The following PARD3B variants were observed in gnomAD, a reference collection of about 807,000 sequenced individuals.
PARD3B encodes the protein partitioning defective 3 homolog B.
Under a neutral mutation model 130.2 loss-of-function variants are expected in PARD3B, and 103 were observed. That is an observed-to-expected ratio of 0.79 (90% CI 0.67 to 0.93). The LOEUF is 0.93. PARD3B is among the 40% of genes least tolerant of loss of function. PARD3B has a pLI of 0.00. For missense variants in PARD3B, 1,609 were observed against 1,499.2 expected, an observed-to-expected ratio of 1.07 and a Z score of -1.21; for synonymous variants, 583 against 553.2, an observed-to-expected ratio of 1.05 and a Z score of -0.76.
intron 1 of PARD3B, among the ~76,000 whole-genome samples, chr2:204,657,992 T>G (rs1186256772): frequency 6.6e-6 from 1 of 152,200 alleles, no homozygotes; most frequent in African/African-American, 2.4e-5. Context: ...CAAAGCCCTG[T>G]GCTAGAAGCT....
At chr2:204,549,283 T>C (rs2030264406) in intron 1 of PARD3B, among the ~76,000 whole-genome samples, 1 of 152,164 alleles carries the variant, frequency 6.6e-6, no homozygotes, top group Admixed American at 6.5e-5. Context: ...ATTGCTTATC[T>C]CCGAATCCTG....
intron 2 of PARD3B, among the ~76,000 whole-genome samples, chr2:204,749,348 G>T (rs1015455850): frequency 6.6e-6 from 1 of 152,068 alleles, no homozygotes. Flanking sequence ...TTGGTGTATT[G>T]TAACAACACT....
chr2:205,125,754 A>C lies in PARD3B; in HGVS notation c.1434+17A>C. 6.2e-7 allele frequency: 1 copy of C among 1,612,706 alleles called. No homozygotes were observed. Among genetic ancestry groups the C allele is most frequent in the Non-Finnish European group, 8.5e-7 (1 of 1,179,272 alleles). ...CGAGAGTTGGTAATGTTCAGATCTC[A>C]GTCTCACTGAATTTTTAATGCCGAG... On this transcript the variant is annotated intron_variant, in intron 10 of 22. Transcript: ENST00000406610. The surrounding 1 kb of genome is among the most constrained non-coding windows in gnomAD (Gnocchi z 4.0).
In PARD3B at chr2:205,151,552, A is replaced by C. The variant is rs551839375; in HGVS notation, c.1435-7170A>C. ...TGTCTCTTTTGAACTTTGTTGGTTT[A>C]AAGTCTGTTTTATCAGAGACTAGGA... On this transcript the variant is annotated intron_variant, in intron 10 of 22. Transcript: ENST00000406610. 1.4e-4 allele frequency among the ~76,000 whole-genome samples: 21 copies of C among 152,290 alleles called. No individual in the cohort carries two copies. The East Asian group carries it at 3.7e-3, about 27-fold the overall frequency.
At chr2:205,549,240 C>T (rs187571175) in intron 21 of PARD3B, among the ~76,000 whole-genome samples, 8 of 152,092 alleles carry the variant, frequency 5.3e-5, no homozygotes, top group South Asian at 2.1e-4. Context: ...TGGTTTCTTG[C>T]GAAACTAAAC....
At chr2:205,410,727 A>G (rs2046567549) in intron 19 of PARD3B, among the ~76,000 whole-genome samples, 1 of 152,214 alleles carries the variant, frequency 6.6e-6, no homozygotes, top group African/African-American at 2.4e-5. Context: ...ATATTTTAAA[A>G]GAATTTGTAA....
chr2:205,089,780 C>A (rs944762431), intron 4 of PARD3B, among the ~76,000 whole-genome samples: 6 of 152,172 alleles, frequency 3.9e-5, no homozygotes, highest in African/African-American at 1.4e-4. Context: ...TTTCTGTATG[C>A]ATGTACTTCA....
chr2:205,081,610 T>C (rs1167685536), intron 4 of PARD3B, among the ~76,000 whole-genome samples: 1 of 152,130 alleles, frequency 6.6e-6, no homozygotes, highest in Admixed American at 6.5e-5. Flanking sequence ...TTTTTAATCA[T>C]GAAGAGTGTT....
intron 2 of PARD3B, among the ~76,000 whole-genome samples, chr2:204,837,647 T>C (rs1054351374): frequency 1.3e-5 from 2 of 152,124 alleles, no homozygotes; most frequent in African/African-American, 4.8e-5. Flanking sequence ...TTGATGAATT[T>C]GGTTCTCAGT....
At chr2:204,563,394 TG>T (rs566184192) in intron 1 of PARD3B, among the ~76,000 whole-genome samples, 26 of 145,126 alleles carry the variant, frequency 1.8e-4, no homozygotes, top group East Asian at 6.8e-4. Context: ...TAGGTATGGG[TG>T]GGGGGGACTG....
chr2:204,862,882 G>A (rs552433889), intron 2 of PARD3B, among the ~76,000 whole-genome samples: 2 of 152,300 alleles, frequency 1.3e-5, no homozygotes, highest in East Asian at 3.9e-4. Flanking sequence ...GTGAGAGAGA[G>A]TCCTGCTAGC....
chr2:204,682,106 A>G (rs1037756045), intron 1 of PARD3B, among the ~76,000 whole-genome samples: 1 of 152,132 alleles, frequency 6.6e-6, no homozygotes, highest in Non-Finnish European at 1.5e-5. Context: ...ATCATACAAA[A>G]GGCCATCCAG....
rs1323335907 is a variant in PARD3B, at chr2:205,183,801, C to T, written c.1925-1963C>T. 2.0e-5 allele frequency among the ~76,000 whole-genome samples: 3 copies of T among 150,980 alleles called. No homozygotes were observed. The highest frequency in any genetic ancestry group is 4.4e-5 in the Non-Finnish European group (3 of 67,854). On this transcript the variant is annotated intron_variant, in intron 13 of 22. Coordinates refer to ENST00000406610, the MANE Select transcript of PARD3B (RefSeq NM_001302769.2). This position sits in a 1 kb window ranked among gnomAD's most constrained non-coding sequence, Gnocchi z 5.2. ...ACAGATTTATGATAAGGAATTGGCT[C>T]ACATGGCCATGGAGACAGGCACATC...
intron 1 of PARD3B, among the ~76,000 whole-genome samples, chr2:204,579,005 T>C (rs1187940954): frequency 6.6e-6 from 1 of 151,788 alleles, no homozygotes; most frequent in African/African-American, 2.4e-5. Context: ...AAGCGTGTGG[T>C]CTTTGAACTG....
chr2:205,450,706 C>T (rs983562992), intron 20 of PARD3B, among the ~76,000 whole-genome samples: 2 of 151,924 alleles, frequency 1.3e-5, no homozygotes, highest in Non-Finnish European at 2.9e-5. Flanking sequence ...GAACTCCTGA[C>T]CTCAGGTGAT....
intron 15 of PARD3B, among the ~76,000 whole-genome samples, chr2:205,240,070 T>C (rs1351144883): frequency 2.6e-5 from 4 of 152,112 alleles, no homozygotes; most frequent in Admixed American, 2.0e-4. Context: ...CAAATTGTCA[T>C]TGACATACGA....
At chr2:205,536,048 A>C (rs1028497114) in intron 21 of PARD3B, among the ~76,000 whole-genome samples, 2 of 152,184 alleles carry the variant, frequency 1.3e-5, no homozygotes, top group Non-Finnish European at 2.9e-5. Flanking sequence ...TGGATCTAAA[A>C]ACCTTGAATA....
intron 10 of PARD3B, among the ~76,000 whole-genome samples, chr2:205,134,045 C>T (rs1169650111): frequency 6.6e-6 from 1 of 152,156 alleles, no homozygotes; most frequent in Non-Finnish European, 1.5e-5. Flanking sequence ...GACCCCATTA[C>T]ATGGACAATA....
rs921085959 is a variant in PARD3B at position 205,167,222 on chromosome 2, A to T, written c.1621-4989A>T. On this transcript the variant is annotated intron_variant, in intron 11 of 22. Transcript: ENST00000406610. The stretch of plus-strand genomic sequence containing the variant: ...GGCACCAGTGAATATACCACAGGGG[A>T]TGAACTACAAGGTCATTGCACCCCC... Among the ~76,000 whole-genome samples, 3 of 152,128 alleles carry T rather than the reference A, an allele frequency of 2.0e-5. No individual in the cohort carries two copies. The East Asian group carries it at 5.8e-4, about 29-fold the overall frequency.
Sources: allele counts gnomAD v4.1 joint callset (sites outside exome capture counted in the v4.1 genomes callset), GRCh38; gene constraint gnomAD v4.1.1; non-coding constraint Gnocchi (gnomAD v3.1); transcripts MANE v1.5; gene names NCBI Gene and HGNC (gene_info 2026-07-23, HGNC 2026-07-21).